The following MAP4K5 variants were observed in gnomAD, a reference collection of about 807,000 sequenced individuals.
The protein encoded by MAP4K5 is MAPK/ERK kinase kinase kinase 5.
A neutral mutation model predicts 135.6 loss-of-function variants in MAP4K5; 82 were observed. That is an observed-to-expected ratio of 0.60 (90% CI 0.51 to 0.73). The LOEUF (loss-of-function observed/expected upper bound fraction) is 0.73. Among genes scored for constraint, MAP4K5 ranks in the 30% least tolerant of loss-of-function variants. MAP4K5 has a pLI of 0.00. For synonymous variants in MAP4K5, 347 were observed against 335.0 expected, an observed-to-expected ratio of 1.04 and a Z score of -0.39; for missense variants, 907 against 1,010.9, an observed-to-expected ratio of 0.90 and a Z score of 1.39.
intron 13 of MAP4K5, among the ~76,000 whole-genome samples, chr14:50,459,170 T>C (rs2036656542): frequency 6.6e-6 from 1 of 152,184 alleles, no homozygotes; most frequent in Non-Finnish European, 1.5e-5. Flanking sequence ...CATATCTAGC[T>C]CCTTACTAGA....
intron 9 of MAP4K5, among the ~76,000 whole-genome samples, chr14:50,469,404 T>C (rs565500485): frequency 6.6e-6 from 1 of 152,308 alleles, no homozygotes; most frequent in South Asian, 2.1e-4. Flanking sequence ...CAAAAGTGTT[T>C]GGGAAATCAA....
intron 3 of MAP4K5, among the ~76,000 whole-genome samples, chr14:50,493,158 G>C (rs1399417955): frequency 1.3e-5 from 2 of 152,122 alleles, no homozygotes; most frequent in Admixed American, 1.3e-4. Context: ...GGAATGCAGG[G>C]ACACGATCAT....
At chr14:50,559,878 AT>A in intron 1 of MAP4K5, 1 of 277,650 alleles carries the variant, frequency 3.6e-6, no homozygotes. Context: ...ATCATGCAGT[AT>A]ATCGGTTTGT....
At chr14:50,435,962 G>A (rs2036081676) in intron 26 of MAP4K5, among the ~76,000 whole-genome samples, 1 of 152,004 alleles carries the variant, frequency 6.6e-6, no homozygotes, top group South Asian at 2.1e-4. Context: ...CAGATCTTGG[G>A]AATCTGATAA....
intron 11 of MAP4K5, among the ~76,000 whole-genome samples, chr14:50,465,181 T>G (rs1354258322): frequency 6.6e-6 from 1 of 152,190 alleles, no homozygotes; most frequent in African/African-American, 2.4e-5. Context: ...GACAGACTAC[T>G]GAAACATAAA....
Position 50,445,163 on chromosome 14 carries a change from A to C in MAP4K5, c.1217T>G (p.Phe406Cys), listed in dbSNP as rs760327729. Residue 406 changes from phenylalanine (F) to cysteine (C), a missense_variant, in exon 18 of 33, where the codon TTT (phenylalanine) becomes TGT (cysteine). Physicochemically the swap from Phe to Cys is radical, Grantham distance 205. Coordinates refer to ENST00000682126, the MANE Select transcript of MAP4K5 (RefSeq NM_006575.6). ...PRISSYPEDN[F>C]PDEEKASTIK... is the part of the protein sequence containing the mutation. ...GGTTGATGCTTTTTCTTCATCCGGA[A>C]AGTTGTCTTCAGGGTAACTGCTTAT... is the stretch of plus-strand genomic sequence containing the variant. The C allele has an allele frequency of 3.7e-6, 6 of 1,613,490 alleles. No individual in the cohort carries two copies. The South Asian group carries it at 6.6e-5, about 18-fold the overall frequency.
chr14:50,437,355 T>C (rs1449138718), intron 26 of MAP4K5, 121 bp downstream of exon 26: 4 of 735,462 alleles, frequency 5.4e-6, no homozygotes, highest in African/African-American at 1.8e-5. Flanking sequence ...GCTTAACTTC[T>C]TACTAAACAC....
chr14:50,551,488 A>G (rs1353310117), intron 1 of MAP4K5, among the ~76,000 whole-genome samples: 1 of 152,178 alleles, frequency 6.6e-6, no homozygotes, highest in Non-Finnish European at 1.5e-5. Flanking sequence ...CTATTTCAAA[A>G]GATAAAGAAA....
intron 3 of MAP4K5, among the ~76,000 whole-genome samples, chr14:50,500,931 G>A (rs1228097021): frequency 6.6e-6 from 1 of 152,118 alleles, no homozygotes; most frequent in Non-Finnish European, 1.5e-5. Context: ...CCTAATACGG[G>A]AAAATCTTTT....
At position 50,486,207 on chromosome 14, in the gene MAP4K5, A is replaced by G. The variant is rs1220909355; in HGVS notation, c.167-13T>C. The stretch of plus-strand genomic sequence containing the variant: ...GAAAAATCATCTCCTGGAAAACAAA[A>G]TAAGTTGTTTATCATGTTACTCAAA... On this transcript the variant is annotated splice_polypyrimidine_tract_variant and intron_variant, in intron 3 of 32. Coordinates refer to ENST00000682126, the MANE Select transcript of MAP4K5 (RefSeq NM_006575.6). The G allele has an allele frequency of 3.3e-6, 3 of 916,834 alleles. No individual in the cohort carries two copies. Among genetic ancestry groups the G allele is most frequent in the Non-Finnish European group, 1.7e-6 (1 of 596,950 alleles). The allele number at this position is 916,834 out of a possible 1,614,324, so 56.8% of individuals were successfully genotyped here.
rs1595527635 is a variant in MAP4K5 at position 50,508,412 on chromosome 14, T to C, written c.109-3555A>G. 3.9e-5 allele frequency among the ~76,000 whole-genome samples: 6 copies of C among 152,154 alleles called. No individual in the cohort carries two copies. In the South Asian group the frequency reaches 8.3e-4, roughly 21 times the overall value. On this transcript the variant is annotated intron_variant, in intron 2 of 32. Transcript: ENST00000682126. ...ATAAAAAGGATGACTTCATGTCCTT[T>C]GTAGGGACATGGATGAAGCTGGAAA...
At chr14:50,485,985 T>G in intron 4 of MAP4K5, 119 bp downstream of exon 4, 2 of 586,206 alleles carry the variant, frequency 3.4e-6, no homozygotes, top group Non-Finnish European at 6.0e-6. Flanking sequence ...CTTAAAAAAT[T>G]TAGAACTTTG....
intron 2 of MAP4K5, among the ~76,000 whole-genome samples, chr14:50,514,793 A>G (rs2037998485): frequency 6.6e-6 from 1 of 151,750 alleles, no homozygotes; most frequent in African/African-American, 2.4e-5. Context: ...AAGGGAATAT[A>G]AAGATATAAA....
chr14:50,503,439 A>T (rs187560631), intron 3 of MAP4K5, among the ~76,000 whole-genome samples: 10 of 152,216 alleles, frequency 6.6e-5, no homozygotes, highest in African/African-American at 2.2e-4. Context: ...CTTTCAAAAG[A>T]GTCTTATGAT....
intron 27 of MAP4K5, 53 bp from the exon 28 acceptor site, chr14:50,434,624 ATACC>A: frequency 6.7e-7 from 1 of 1,488,754 alleles, no homozygotes; most frequent in Non-Finnish European, 9.1e-7. Flanking sequence ...CTCCCCATTC[ATACC>A]ACTGTTGAAT....
At chr14:50,530,917 AC>A in intron 2 of MAP4K5, among the ~76,000 whole-genome samples, 1 of 152,258 alleles carries the variant, frequency 6.6e-6, no homozygotes, top group Non-Finnish European at 1.5e-5. Context: ...GTGCAAAACA[AC>A]AACCTAACCC....
chr14:50,432,565 A>C (rs1007226436), intron 28 of MAP4K5, among the ~76,000 whole-genome samples: 6 of 151,742 alleles, frequency 4.0e-5, no homozygotes, highest in African/African-American at 1.5e-4. Flanking sequence ...TCAAAAAAAA[A>C]AAAAAAAAAA....
At chr14:50,471,669 T>C (rs560073416) in intron 9 of MAP4K5, 1 of 152,194 alleles carries the variant, frequency 6.6e-6, no homozygotes, top group Non-Finnish European at 1.5e-5. Context: ...GCTATGAATG[T>C]AGGGAATATG....
chr14:50,439,646 G>A (rs775945877), intron 23 of MAP4K5, among the ~76,000 whole-genome samples: 14 of 152,148 alleles, frequency 9.2e-5, no homozygotes, highest in Admixed American at 2.0e-4. Context: ...ACTTGTTCAG[G>A]ATCGCAGAGA....
Sources: allele counts gnomAD v4.1 joint callset (sites outside exome capture counted in the v4.1 genomes callset), GRCh38; gene constraint gnomAD v4.1.1; transcripts MANE v1.5; gene names NCBI Gene and HGNC (gene_info 2026-07-23, HGNC 2026-07-21).